HDAC9: variants seen among roughly 807,000 people sequenced by gnomAD.
HDAC9 encodes the protein histone deacetylase 9.
Under a neutral mutation model 139.4 loss-of-function variants are expected in HDAC9, and 41 were observed. That is an observed-to-expected ratio of 0.29 (90% CI 0.23 to 0.38). The LOEUF (loss-of-function observed/expected upper bound fraction) is 0.38, where lower values mean the gene tolerates loss of function less well. HDAC9 is among the 10% of genes least tolerant of loss of function. The probability of loss-of-function intolerance (pLI) is 1.00; values close to 1 mark genes in which losing one functional copy is unlikely to be tolerated. For missense variants in HDAC9, 1,147 were observed against 1,297.0 expected (o/e 0.88, Z 1.78); for synonymous variants, 517 against 476.2 (o/e 1.09, Z -1.12).
intron 1 of HDAC9, among the ~76,000 whole-genome samples, chr7:18,106,655 T>C (rs1783226718): frequency 6.6e-6 from 1 of 152,162 alleles, no homozygotes; most frequent in African/African-American, 2.4e-5. Flanking sequence ...GGTTTCACCA[T>C]GTTAGCCAGG....
chr7:18,920,591 T>C (rs1285185010), intron 22 of HDAC9, among the ~76,000 whole-genome samples: 6 of 152,162 alleles, frequency 3.9e-5, no homozygotes, highest in Non-Finnish European at 8.8e-5. Context: ...AGGGAATGCT[T>C]CCAGTTTTTG....
chr7:18,480,584 G>T (rs1795473446), intron 1 of HDAC9, among the ~76,000 whole-genome samples: 1 of 152,120 alleles, frequency 6.6e-6, no homozygotes, highest in Non-Finnish European at 1.5e-5. Context: ...AAAGGTGGTT[G>T]TAGTGAGCTG....
Position 18,777,045 on chromosome 7 carries a change from C to A in HDAC9, c.2214+9890C>A, listed in dbSNP as rs17139921. Among the ~76,000 whole-genome samples, 125 of 151,916 alleles carry A rather than the reference C, an allele frequency of 8.2e-4. 2 individuals carry two copies. The East Asian group carries it at 0.015, about 19-fold the overall frequency. ...TTCTAGGCACACGCTGAGATGCTGA[C>A]ATTTCTCTTCAGAGCTGGCTATGGA... On this transcript the variant is annotated intron_variant, in intron 16 of 25. Transcript: ENST00000686413.
At chr7:18,742,732 C>T (rs1300906339) in intron 13 of HDAC9, among the ~76,000 whole-genome samples, 3 of 151,884 alleles carry the variant, frequency 2.0e-5, no homozygotes, top group African/African-American at 7.3e-5. Flanking sequence ...CTGGAGGCTT[C>T]TCAAGTTTGT....
At chr7:18,284,032 T>G (rs1451382578) in intron 2 of HDAC9, among the ~76,000 whole-genome samples, 2 of 152,168 alleles carry the variant, frequency 1.3e-5, no homozygotes, top group Non-Finnish European at 2.9e-5. Flanking sequence ...CTTGTACAAT[T>G]TACACAACAT....
intron 1 of HDAC9, among the ~76,000 whole-genome samples, chr7:18,378,413 C>T (rs184949876): frequency 6.6e-6 from 1 of 151,952 alleles, no homozygotes; most frequent in East Asian, 1.9e-4. Flanking sequence ...TTAGAAACTA[C>T]ATTTATTTTG....
intron 17 of HDAC9, among the ~76,000 whole-genome samples, chr7:18,796,548 A>G (rs1006452883): frequency 6.6e-6 from 1 of 152,212 alleles, no homozygotes; most frequent in Non-Finnish European, 1.5e-5. Flanking sequence ...GGACTTTCAG[A>G]CTTTCCAAGT....
intron 1 of HDAC9, among the ~76,000 whole-genome samples, chr7:18,385,917 CA>C (rs199851050): frequency 9.5e-5 from 14 of 147,862 alleles, no homozygotes; most frequent in Admixed American, 4.0e-4. Flanking sequence ...GTTTGCTTGT[CA>C]AAAAAAAAAC....
chr7:18,293,583 T>C (rs1262999423), intron 1 of HDAC9, among the ~76,000 whole-genome samples: 1 of 152,162 alleles, frequency 6.6e-6, no homozygotes, highest in East Asian at 1.9e-4. Flanking sequence ...AATTGTTCCA[T>C]CATCTTGGTT....
chr7:18,244,528 C>G (rs1290202248), intron 2 of HDAC9, among the ~76,000 whole-genome samples: 3 of 152,104 alleles, frequency 2.0e-5, no homozygotes, highest in Non-Finnish European at 4.4e-5. Flanking sequence ...GCTAGGCGTG[C>G]TGGCTCATGC....
intron 2 of HDAC9, among the ~76,000 whole-genome samples, chr7:18,168,893 T>TGTGTGTGTGTGTG (rs1170116015): frequency 2.6e-5 from 3 of 116,856 alleles, no homozygotes; most frequent in African/African-American, 1.1e-4. Flanking sequence ...TTTTTTTTTT[T>TGTGTGTGTGTGTG]TTTTTGTGTG....
At chr7:18,451,400 T>C (rs1792830061) in intron 1 of HDAC9, among the ~76,000 whole-genome samples, 1 of 131,930 alleles carries the variant, frequency 7.6e-6, no homozygotes, top group Non-Finnish European at 1.7e-5. Flanking sequence ...TGTGTGTGTG[T>C]GTATATATGT....
At chr7:18,636,789 C>A (rs753232736) in intron 8 of HDAC9, among the ~76,000 whole-genome samples, 1 of 151,982 alleles carries the variant, frequency 6.6e-6, no homozygotes, top group Non-Finnish European at 1.5e-5. Flanking sequence ...TAGATAGCAT[C>A]TTTTTGTTAG....
At chr7:18,397,129 T>C (rs1787136764) in intron 1 of HDAC9, among the ~76,000 whole-genome samples, 1 of 152,082 alleles carries the variant, frequency 6.6e-6, no homozygotes. Context: ...AGGGATATAA[T>C]GGATGTGAAT....
chr7:18,366,896 G>GA (rs57646566), intron 1 of HDAC9, among the ~76,000 whole-genome samples: 1 of 151,658 alleles, frequency 6.6e-6, no homozygotes, highest in Non-Finnish European at 1.5e-5. Context: ...AGTTTAGTAA[G>GA]AAAAAAATCT....
chr7:18,711,867 C>T (rs1584894247), intron 12 of HDAC9, among the ~76,000 whole-genome samples: 1 of 152,148 alleles, frequency 6.6e-6, no homozygotes, highest in African/African-American at 2.4e-5. Context: ...ACAGAGAACA[C>T]ACTTTGTTCG....
intron 6 of HDAC9, among the ~76,000 whole-genome samples, chr7:18,619,240 A>G (rs547382184): frequency 6.6e-6 from 1 of 152,300 alleles, no homozygotes; most frequent in East Asian, 1.9e-4. Flanking sequence ...ACCTCTTGCC[A>G]TGACATTCAG....
At chr7:18,667,699 G>GA (rs1177630181) in intron 12 of HDAC9, 3 of 984,562 alleles carry the variant, frequency 3.0e-6, no homozygotes, top group African/African-American at 1.8e-5. Context: ...AGGAATGTAG[G>GA]AAAAAAAATC....
At chr7:18,690,794 A>G (rs1007444915) in intron 12 of HDAC9, among the ~76,000 whole-genome samples, 5 of 152,012 alleles carry the variant, frequency 3.3e-5, no homozygotes, top group Non-Finnish European at 7.4e-5. Context: ...CAACTAGCAC[A>G]TTTTGGCATT....
Sources: gnomAD v4.1 joint callset for allele counts (sites outside exome capture counted in the v4.1 genomes callset) on GRCh38, gnomAD v4.1.1 for gene constraint, MANE v1.5 for transcripts, NCBI Gene and HGNC (gene_info 2026-07-23, HGNC 2026-07-21) for gene names.